Variants in SIM2 observed in about 807,000 individuals in gnomAD.
The protein encoded by SIM2 is single-minded homolog 2.
A neutral mutation model predicts 64.8 loss-of-function variants in SIM2; 28 were observed. The observed-to-expected ratio is 0.43, with a 90% CI of 0.32 to 0.59. SIM2 has a LOEUF of 0.59. Among genes scored for constraint, SIM2 ranks in the 20% least tolerant of loss-of-function variants. The probability of loss-of-function intolerance (pLI) is 0.07; values close to 1 mark genes in which losing one functional copy is unlikely to be tolerated. For missense variants in SIM2, 847 were observed against 871.4 expected (o/e 0.97, Z 0.35); for synonymous variants, 408 against 391.1 (o/e 1.04, Z -0.51).
chr21:36,724,401 T>A (rs575773646), intron 5 of SIM2, among the ~76,000 whole-genome samples: 72 of 152,304 alleles, frequency 4.7e-4, no homozygotes, highest in African/African-American at 1.7e-3. Context: ...ACCTCAGCCA[T>A]CTGTGTAGCT....
chr21:36,741,113 A>G (rs2089153198), intron 7 of SIM2, among the ~76,000 whole-genome samples: 1 of 152,174 alleles, frequency 6.6e-6, no homozygotes, highest in Non-Finnish European at 1.5e-5. Flanking sequence ...ATTTTCAGGA[A>G]CTCTGCAGCC....
At position 36,709,229 on chromosome 21, in the gene SIM2, G is replaced by T; in HGVS notation, c.237G>T (p.Glu79Asp). Reference protein sequence around the residue: ...RAGPLDGVAKELGSHLLQTLD... With the variant: ...RAGPLDGVAKDLGSHLLQTLD... The stretch of plus-strand genomic sequence containing the variant: ...GGCCCCTGGACGGCGTCGCCAAGGA[G>T]CTGGGATCGCACTTGCTGCAGGTAG... Residue 79 changes from glutamate to aspartate, a missense_variant, in exon 2 of 11, where the codon GAG becomes GAT. Glu to Asp is a conservative substitution (Grantham distance 45, BLOSUM62 2). Transcript: ENST00000290399. 1 of 1,607,914 alleles carries T rather than the reference G, an allele frequency of 6.2e-7. No individual in the cohort carries two copies. Among genetic ancestry groups the T allele is most frequent in the Non-Finnish European group, 8.5e-7 (1 of 1,177,588 alleles).
In SIM2 at chr21:36,736,858, CTTTT is replaced by C. The variant is rs1234247055; in HGVS notation, c.851-4857_851-4854del. 2.4e-4 allele frequency among the ~76,000 whole-genome samples: 6 copies of C among 24,814 alleles called. No homozygotes were observed. In the East Asian group the frequency reaches 0.01, roughly 41 times the overall value. The allele number at this position is 24,814 out of a possible 152,430, so 16.3% of individuals were successfully genotyped here. On this transcript the variant is annotated intron_variant, in intron 7 of 10. Transcript: ENST00000290399. ...TTCTTTCTCTTTCTTTTCTTTCTTT[CTTTT>C]TCTTTCTTTCTTTCTTCCTTCCTTT...
In SIM2 at chr21:36,726,259, C is replaced by T; in HGVS notation, c.684C>T (p.Tyr228=). Residue 228 remains tyrosine, a synonymous_variant, in exon 6 of 11, where the codon TAC becomes TAT. Coordinates refer to ENST00000290399, the MANE Select transcript of SIM2 (RefSeq NM_005069.6). This position sits in a 1 kb window ranked among gnomAD's most constrained non-coding sequence, Gnocchi z 4.5. ...PPSAITEIKL[Y]SNMFMFRASL... ...GTGCCATCACCGAGATCAAGCTGTA[C>T]AGTAACATGTTCATGTTCAGGGCCA... 1.9e-6 allele frequency: 3 copies of T among 1,613,796 alleles called. No individual in the cohort carries two copies. The highest frequency in any genetic ancestry group is 1.7e-6 in the Non-Finnish European group (2 of 1,180,032).
intron 7 of SIM2, among the ~76,000 whole-genome samples, chr21:36,739,985 AAGAAG>A (rs911438102): frequency 6.7e-6 from 1 of 148,380 alleles, no homozygotes; most frequent in African/African-American, 2.5e-5. Context: ...AAAAAAGAGA[AAGAAG>A]AGAAGAAAGA....
At chr21:36,700,935 C>G (rs2088484668) in intron 1 of SIM2, among the ~76,000 whole-genome samples, 1 of 152,244 alleles carries the variant, frequency 6.6e-6, no homozygotes, top group South Asian at 2.1e-4. Flanking sequence ...GGTGGGCTGC[C>G]CCGCCGCCCA....
intron 7 of SIM2, 140 bp downstream of exon 7, chr21:36,731,291 C>G: frequency 1.6e-6 from 1 of 619,956 alleles, no homozygotes; most frequent in Non-Finnish European, 2.8e-6. Context: ...CCAAGTGTGG[C>G]TTCCTCCACC....
At chr21:36,702,299 G>C (rs533410705) in intron 1 of SIM2, among the ~76,000 whole-genome samples, 2 of 152,222 alleles carry the variant, frequency 1.3e-5, no homozygotes, top group Non-Finnish European at 2.9e-5. Context: ...CCTGGAAGTT[G>C]GCACTCTGGA....
chr21:36,714,320 C>A (rs546135946), intron 3 of SIM2, among the ~76,000 whole-genome samples: 2 of 152,244 alleles, frequency 1.3e-5, no homozygotes, highest in South Asian at 4.1e-4. Flanking sequence ...GATCAAAAAT[C>A]TTTTAAAATA....
rs568534747 is a variant in SIM2, at chr21:36,745,965, C to T, written c.1576+829C>T. 7 of 1,222,242 alleles carry T rather than the reference C, an allele frequency of 5.7e-6. 1 individual carries two copies. The East Asian group carries it at 1.8e-4, about 31-fold the overall frequency. The allele number at this position is 1,222,242 out of a possible 1,614,324, so 75.7% of individuals were successfully genotyped here. A position where few individuals can be genotyped will look rare whatever the true frequency, so the allele number is the denominator to read the frequency against. ...CCTAACTGCCGCTCAGAGTGTAGACCGAGATGGTGCAGATGCCTGCAGTGC... is the reference window on the plus strand; with the variant it reads ...CCTAACTGCCGCTCAGAGTGTAGACTGAGATGGTGCAGATGCCTGCAGTGC... On this transcript the variant is annotated intron_variant, in intron 10 of 10. Transcript: ENST00000290399. The surrounding 1 kb of genome is among the most constrained non-coding windows in gnomAD (Gnocchi z 4.8).
In SIM2 at chr21:36,741,818, C is replaced by T. The variant is rs780343591; in HGVS notation, c.952C>T (p.Arg318Cys). 4.4e-6 allele frequency: 7 copies of T among 1,608,600 alleles called. No individual in the cohort carries two copies. The highest frequency in any genetic ancestry group is 1.3e-5 in the African/African-American group (1 of 74,904). ...QSYATVVHNS[R>C]SSRPHCIVSV... Reference sequence around the variant, plus strand: ...CTACGCCACCGTGGTGCACAACAGCCGCTCGTCCCGGCCCCACTGCATCGT... The same window carrying T: ...CTACGCCACCGTGGTGCACAACAGCTGCTCGTCCCGGCCCCACTGCATCGT... The change falls in exon 8 of 11, where the codon CGC (arginine) becomes TGC (cysteine). Residue 318 changes from arginine (R) to cysteine (C), a missense_variant. Arg to Cys is a radical substitution (Grantham distance 180). This residue lies in a region of SIM2 where 397 missense variants were observed against 439.2 expected (regional missense o/e 0.90). Coordinates refer to ENST00000290399, the MANE Select transcript of SIM2 (RefSeq NM_005069.6).
Position 36,745,502 on chromosome 21 carries a change from T to G in SIM2, c.1576+366T>G, listed in dbSNP as rs1458683003. 1 of 1,148,378 alleles carries G rather than the reference T, an allele frequency of 8.7e-7. No homozygotes were observed. Among genetic ancestry groups the G allele is most frequent in the African/African-American group, 1.6e-5 (1 of 62,878 alleles). 71.1% of individuals were successfully genotyped at this position (1,148,378 alleles called of 1,614,324 possible). A position where few individuals can be genotyped will look rare whatever the true frequency, so the allele number is the denominator to read the frequency against. The stretch of plus-strand genomic sequence containing the variant: ...GCTGCATTTCTTTTGCAAGATTCCT[T>G]TCCACTCCAACCAGAAGTGAATATT... On this transcript the variant is annotated intron_variant, in intron 10 of 10. Transcript: ENST00000290399. The surrounding 1 kb of genome is among the most constrained non-coding windows in gnomAD (Gnocchi z 4.8).
In SIM2 at chr21:36,735,046, C is replaced by T. The variant is rs536345359; in HGVS notation, c.850+3895C>T. 1.7e-3 allele frequency among the ~76,000 whole-genome samples: 259 copies of T among 152,318 alleles called. 1 individual carries two copies. The highest frequency in any genetic ancestry group is 5.9e-3 in the African/African-American group (245 of 41,562). On this transcript the variant is annotated intron_variant, in intron 7 of 10. Coordinates refer to ENST00000290399, the MANE Select transcript of SIM2 (RefSeq NM_005069.6). ...AAGGAGCCACAAAGGGTGTTGTCCACTGGCTACAGCCGAGGGAGGCTGGCG... is the reference window on the plus strand; with the variant it reads ...AAGGAGCCACAAAGGGTGTTGTCCATTGGCTACAGCCGAGGGAGGCTGGCG...
intron 1 of SIM2, among the ~76,000 whole-genome samples, chr21:36,704,606 C>T (rs1213951736): frequency 2.6e-5 from 4 of 152,212 alleles, no homozygotes; most frequent in South Asian, 4.1e-4. Context: ...CCCTGAACCC[C>T]GGGGCGGAAA....
chr21:36,719,153 C>T (rs1222006195), intron 3 of SIM2, among the ~76,000 whole-genome samples: 1 of 152,228 alleles, frequency 6.6e-6, no homozygotes, highest in Non-Finnish European at 1.5e-5. Flanking sequence ...ACGCACAGCC[C>T]CAGCCACACC....
At chr21:36,739,154 C>A (rs1206411924) in intron 7 of SIM2, among the ~76,000 whole-genome samples, 2 of 152,228 alleles carry the variant, frequency 1.3e-5, no homozygotes, top group Non-Finnish European at 2.9e-5. Context: ...CATTTTCAGT[C>A]AGATAAAAGT....
chr21:36,704,509 G>A (rs1025618262), intron 1 of SIM2, among the ~76,000 whole-genome samples: 2 of 152,216 alleles, frequency 1.3e-5, no homozygotes, highest in South Asian at 2.1e-4. Flanking sequence ...GGGGACACCC[G>A]GGCACAGGGC....
At chr21:36,737,074 G>A (rs2089071742) in intron 7 of SIM2, among the ~76,000 whole-genome samples, 1 of 152,056 alleles carries the variant, frequency 6.6e-6, no homozygotes, top group African/African-American at 2.4e-5. Flanking sequence ...CTACAGGCAT[G>A]TACCACCATA....
chr21:36,716,109 A>G (rs2088743573), intron 3 of SIM2, among the ~76,000 whole-genome samples: 1 of 152,186 alleles, frequency 6.6e-6, no homozygotes, highest in African/African-American at 2.4e-5. Flanking sequence ...CATCTAGACA[A>G]GTTTCTATCT....
Sources: gnomAD v4.1 joint callset for allele counts (sites outside exome capture counted in the v4.1 genomes callset) on GRCh38, gnomAD v4.1.1 for gene constraint, gnomAD v4.1.1 regional missense constraint, Gnocchi (gnomAD v3.1) non-coding constraint, MANE v1.5 for transcripts, NCBI Gene and HGNC (gene_info 2026-07-23, HGNC 2026-07-21) for gene names.